Variants in ZNF558 observed in about 807,000 individuals in gnomAD.
ZNF558 encodes zinc finger protein 558.
In ZNF558, 23 loss-of-function variants were observed where a neutral mutation model predicts 37.6. The ratio of observed to expected loss-of-function variants is 0.61; its 90% CI spans 0.44 to 0.87. The LOEUF is 0.87. Ranked by LOEUF, ZNF558 falls within the 40% of genes least tolerant of loss-of-function variation. ZNF558 has a pLI of 0.00. For synonymous variants in ZNF558, 189 were observed against 174.4 expected (o/e 1.08, Z -0.66); for missense variants, 429 against 483.7 (o/e 0.89, Z 1.06).
chr19:8,835,021 A>T (rs1165315269), upstream of ZNF558, among the ~76,000 whole-genome samples: 1 of 152,128 alleles, frequency 6.6e-6, no homozygotes, highest in Non-Finnish European at 1.5e-5. Context: ...AGCAATAAAA[A>T]GATACCCAAT....
chr19:8,830,849 C>T (rs1208676144), intron 2 of ZNF558: 1 of 151,694 alleles, frequency 6.6e-6, no homozygotes, highest in Non-Finnish European at 1.5e-5. Context: ...GAGCCAAGAT[C>T]GCGCCACTGC....
chr19:8,822,829 G>A lies in ZNF558; in HGVS notation c.-65-105C>T, dbSNP rs1376973191. ...CCTTCCCATCCTTCTTCAAATGCAA[G>A]TTCCGGCTTCCACACTGGGCCTTTA... On this transcript the variant is annotated intron_variant, in intron 4 of 9. Coordinates refer to ENST00000601372, the MANE Select transcript of ZNF558 (RefSeq NM_144693.3). The surrounding 1 kb of genome is among the most constrained non-coding windows in gnomAD (Gnocchi z 4.4). 9.7e-7 allele frequency: 1 copy of A among 1,034,232 alleles called. No individual in the cohort carries two copies. The highest frequency in any genetic ancestry group is 1.4e-6 in the Non-Finnish European group (1 of 707,730). The allele number at this position is 1,034,232 out of a possible 1,614,324, so 64.1% of individuals were successfully genotyped here.
At chr19:8,828,370 T>A (rs1827044272) in intron 2 of ZNF558, among the ~76,000 whole-genome samples, 1 of 152,166 alleles carries the variant, frequency 6.6e-6, no homozygotes, top group African/African-American at 2.4e-5. Flanking sequence ...AGACCCCAGA[T>A]AAGCGGGACA....
chr19:8,812,179 C>G, intron 9 of ZNF558, 116 bp from the exon 10 acceptor site: 1 of 1,056,638 alleles, frequency 9.5e-7, no homozygotes, highest in Admixed American at 3.4e-5. Context: ...GATATTTTGG[C>G]TACTTTCAGT....
intron 2 of ZNF558, among the ~76,000 whole-genome samples, chr19:8,829,926 C>G (rs1384956385): frequency 1.3e-5 from 2 of 152,098 alleles, no homozygotes; most frequent in Non-Finnish European, 2.9e-5. Flanking sequence ...ACTGTTATTT[C>G]AGAGAAGTTT....
intron 2 of ZNF558, among the ~76,000 whole-genome samples, chr19:8,828,983 C>G (rs994540079): frequency 2.0e-5 from 3 of 149,502 alleles, no homozygotes; most frequent in African/African-American, 7.4e-5. Context: ...AAAAAAAGGC[C>G]GGGTGTGGTG....
At chr19:8,831,513 A>G (rs1476463931) in intron 1 of ZNF558, 112 bp from the exon 2 acceptor site, 1 of 152,152 alleles carries the variant, frequency 6.6e-6, no homozygotes, top group African/African-American at 2.4e-5. Flanking sequence ...TGGGTACTCA[A>G]TGATTAAATG....
intron 7 of ZNF558, among the ~76,000 whole-genome samples, chr19:8,816,503 G>A (rs1024245309): frequency 2.6e-5 from 4 of 152,162 alleles, no homozygotes; most frequent in South Asian, 2.1e-4. Flanking sequence ...ACCACCAAGC[G>A]CTGGAGTGGT....
intron 2 of ZNF558, 108 bp from the exon 3 acceptor site, chr19:8,825,216 C>CA (rs2044204403): frequency 6.6e-6 from 1 of 152,172 alleles, no homozygotes; most frequent in African/African-American, 2.4e-5. Flanking sequence ...TACTGAAAGA[C>CA]ACGTGTAAGA....
At chr19:8,812,111 T>C (rs577053100) in intron 9 of ZNF558, 48 bp from the exon 10 acceptor site, 1 of 1,387,544 alleles carries the variant, frequency 7.2e-7, no homozygotes, top group East Asian at 2.5e-5. Flanking sequence ...ATATTTGAAA[T>C]ACTTAATGTT....
In ZNF558 at chr19:8,821,192, G is replaced by C; in HGVS notation, c.235C>G (p.Leu79Val). 1 of 1,614,056 alleles carries C rather than the reference G, an allele frequency of 6.2e-7. No individual in the cohort carries two copies. The highest frequency in any genetic ancestry group is 8.5e-7 in the Non-Finnish European group (1 of 1,179,940). Residue 79 changes from leucine to valine, a missense_variant, in exon 7 of 10, where the codon CTG (leucine) becomes GTG (valine). Transcript: ENST00000601372. ...ACATTAGGCTTACCTAGTGAGGCCA[G>C]GTTCCTGCAGTTCTCCAGCATCACA... ...RDVMLENCRN[L>V]ASLGCRVNKP...
At chr19:8,815,771 G>A (rs1446093610) in intron 7 of ZNF558, among the ~76,000 whole-genome samples, 1 of 151,378 alleles carries the variant, frequency 6.6e-6, no homozygotes, top group African/African-American at 2.4e-5. Context: ...AGGTGACAGA[G>A]TGAGTGAGAA....
intron 7 of ZNF558, among the ~76,000 whole-genome samples, chr19:8,818,625 C>A (rs1331597624): frequency 1.3e-5 from 2 of 151,922 alleles, no homozygotes; most frequent in African/African-American, 4.8e-5. Flanking sequence ...CTTGAACAGA[C>A]AAGAAGTGAA....
At chr19:8,835,480 A>G (rs2044445865), upstream of ZNF558, among the ~76,000 whole-genome samples, 1 of 152,240 alleles carries the variant, frequency 6.6e-6, no homozygotes. Context: ...TCAATAAAAT[A>G]CTACTTCACA....
At chr19:8,830,890 G>A (rs1287685066) in intron 2 of ZNF558, 1 of 150,558 alleles carries the variant, frequency 6.6e-6, no homozygotes, top group Non-Finnish European at 1.5e-5. Context: ...GTGAGACTTG[G>A]TCTCAAGAAA....
In ZNF558 at chr19:8,825,122, C is replaced by G. The variant is rs185066409; in HGVS notation, c.-508-14G>C. On this transcript the variant is annotated splice_polypyrimidine_tract_variant and intron_variant, in intron 2 of 9. Coordinates refer to ENST00000601372, the MANE Select transcript of ZNF558 (RefSeq NM_144693.3). ...TGGGGGTAACCCCTAGGGAAGGAAACGTGCTGATGTCAAGCAAACCTGCAA... is the reference window on the plus strand; with the variant it reads ...TGGGGGTAACCCCTAGGGAAGGAAAGGTGCTGATGTCAAGCAAACCTGCAA... The G allele has an allele frequency of 1.3e-5, 2 of 152,188 alleles. No homozygotes were observed. The highest frequency in any genetic ancestry group is 4.1e-4 in the South Asian group (2 of 4,838). The allele number at this position is 152,188 out of a possible 1,614,324, so 9.4% of individuals were successfully genotyped here. A position where few individuals can be genotyped will look rare whatever the true frequency, so the allele number is the denominator to read the frequency against.
upstream of ZNF558, among the ~76,000 whole-genome samples, chr19:8,834,436 C>T (rs531013802): frequency 5.3e-5 from 8 of 151,848 alleles, no homozygotes; most frequent in African/African-American, 1.2e-4. Context: ...GGTGAAACCC[C>T]GTCTCTACTA....
chr19:8,836,712 G>A (rs1032011195), upstream of ZNF558, among the ~76,000 whole-genome samples: 1 of 152,062 alleles, frequency 6.6e-6, no homozygotes, highest in Admixed American at 6.6e-5. Context: ...GGCTAGTCTC[G>A]AACTCCTGAG....
chr19:8,833,940 A>C (rs558232315), upstream of ZNF558, among the ~76,000 whole-genome samples: 1 of 152,096 alleles, frequency 6.6e-6, no homozygotes, highest in East Asian at 1.9e-4. Context: ...GTGAGCCGAG[A>C]TTGCAGCCGG....
Sources: allele counts gnomAD v4.1 joint callset (sites outside exome capture counted in the v4.1 genomes callset), GRCh38; gene constraint gnomAD v4.1.1; non-coding constraint Gnocchi (gnomAD v3.1); transcripts MANE v1.5; gene names NCBI Gene and HGNC (gene_info 2026-07-23, HGNC 2026-07-21).